The following MEI4 variants were observed in gnomAD, a reference collection of about 807,000 sequenced individuals.
MEI4 encodes meiotic double-stranded break formation protein 4, also known as meiosis-specific protein MEI4.
In MEI4, 27 loss-of-function variants were observed where a neutral mutation model predicts 31.4. That is an observed-to-expected ratio of 0.86 (90% CI 0.63 to 1.19). The LOEUF is 1.19. MEI4 is among the 50% of genes most tolerant of loss of function. The probability of loss-of-function intolerance (pLI) is 0.00; values close to 1 mark genes in which losing one functional copy is unlikely to be tolerated. For synonymous variants in MEI4, 122 were observed against 145.4 expected (o/e 0.84, Z 1.16); for missense variants, 329 against 398.9 (o/e 0.82, Z 1.49).
At chr6:77,888,953 T>C (rs1009162000) in intron 4 of MEI4, among the ~76,000 whole-genome samples, 5 of 152,168 alleles carry the variant, frequency 3.3e-5, no homozygotes, top group African/African-American at 1.2e-4. Context: ...CTTCCAGCTG[T>C]CATGTAAAGA....
At chr6:77,797,366 G>A (rs532204300) in intron 3 of MEI4, among the ~76,000 whole-genome samples, 1 of 152,138 alleles carries the variant, frequency 6.6e-6, no homozygotes, top group Non-Finnish European at 1.5e-5. Flanking sequence ...GTTTTGCACA[G>A]CCAGGGAAAC....
intron 4 of MEI4, among the ~76,000 whole-genome samples, chr6:77,867,863 T>G (rs572821871): frequency 2.0e-5 from 3 of 152,142 alleles, no homozygotes; most frequent in Admixed American, 2.0e-4. Flanking sequence ...GTGACACATA[T>G]GCACCATGGA....
At chr6:77,894,523 C>T (rs1259318479) in intron 4 of MEI4, among the ~76,000 whole-genome samples, 2 of 151,664 alleles carry the variant, frequency 1.3e-5, no homozygotes, top group South Asian at 2.1e-4. Flanking sequence ...CTGATTGTAT[C>T]GAATTAGTGA....
intron 2 of MEI4, among the ~76,000 whole-genome samples, chr6:77,716,627 G>C (rs898912403): frequency 6.6e-6 from 1 of 152,216 alleles, no homozygotes; most frequent in Middle Eastern, 3.4e-3. Context: ...AGTATCAGTC[G>C]GGATGGTGAA....
chr6:77,690,261 A>G (rs1467509469), intron 1 of MEI4, among the ~76,000 whole-genome samples: 1 of 152,010 alleles, frequency 6.6e-6, no homozygotes, highest in Non-Finnish European at 1.5e-5. Context: ...CAGTGGACTC[A>G]TTTTCAAAAT....
At chr6:77,707,131 G>A (rs1766351433) in intron 2 of MEI4, among the ~76,000 whole-genome samples, 1 of 151,990 alleles carries the variant, frequency 6.6e-6, no homozygotes, top group South Asian at 2.1e-4. Flanking sequence ...AGACTAAATG[G>A]TTCTGACCGA....
chr6:77,916,817 G>A (rs1440818055), intron 4 of MEI4, among the ~76,000 whole-genome samples: 1 of 150,002 alleles, frequency 6.7e-6, no homozygotes, highest in Non-Finnish European at 1.5e-5. Context: ...TGTGCACATT[G>A]TGCAGGTTAG....
chr6:77,712,090 C>T (rs1434337808), intron 2 of MEI4, among the ~76,000 whole-genome samples: 1 of 152,162 alleles, frequency 6.6e-6, no homozygotes, highest in Non-Finnish European at 1.5e-5. Context: ...GTACGCTGAA[C>T]ATTTGCAAGA....
rs1206094973 is a variant in MEI4 at position 77,750,185 on chromosome 6, A to G, written c.233-10945A>G. On this transcript the variant is annotated intron_variant, in intron 2 of 4. Coordinates refer to ENST00000684080, the MANE Select transcript of MEI4 (RefSeq NM_001322247.2). The stretch of plus-strand genomic sequence containing the variant: ...AAAAACATACCAAATTGTAAAGACT[A>G]TCAATGCTGTGAAGAAACTGCATCA... Among the ~76,000 whole-genome samples, 3 of 152,332 alleles carry G rather than the reference A, an allele frequency of 2.0e-5. No homozygotes were observed. The South Asian group carries it at 6.2e-4, about 32-fold the overall frequency.
intron 3 of MEI4, among the ~76,000 whole-genome samples, chr6:77,806,784 G>A (rs1430543470): frequency 6.6e-6 from 1 of 152,104 alleles, no homozygotes; most frequent in Non-Finnish European, 1.5e-5. Flanking sequence ...TAAGAGATCA[G>A]GGATTGGCAA....
At chr6:77,759,295 G>A (rs1767991249) in intron 2 of MEI4, among the ~76,000 whole-genome samples, 1 of 151,930 alleles carries the variant, frequency 6.6e-6, no homozygotes, top group Admixed American at 6.6e-5. Context: ...CCTATTCAGG[G>A]TATCTTTTTT....
At chr6:77,919,282 GATT>G (rs1208233326) in intron 4 of MEI4, among the ~76,000 whole-genome samples, 2 of 151,808 alleles carry the variant, frequency 1.3e-5, no homozygotes, top group African/African-American at 4.8e-5. Context: ...AAAGAACAGA[GATT>G]ATAACAAACT....
At chr6:77,654,737 C>T (rs1768362263) in intron 1 of MEI4, among the ~76,000 whole-genome samples, 1 of 151,666 alleles carries the variant, frequency 6.6e-6, no homozygotes, top group Admixed American at 6.6e-5. Flanking sequence ...CAACTTCTCT[C>T]TGCTGTCCTT....
chr6:77,814,490 A>G (rs1769646036), intron 3 of MEI4, among the ~76,000 whole-genome samples: 1 of 152,110 alleles, frequency 6.6e-6, no homozygotes, highest in African/African-American at 2.4e-5. Flanking sequence ...TCACTTTCTC[A>G]AAGTATAATC....
intron 2 of MEI4, among the ~76,000 whole-genome samples, chr6:77,693,441 A>G (rs1195732441): frequency 6.6e-6 from 1 of 152,064 alleles, no homozygotes; most frequent in Non-Finnish European, 1.5e-5. Context: ...TTTTTGTAAC[A>G]TGAATGTGCC....
At chr6:77,721,840 G>A in intron 2 of MEI4, among the ~76,000 whole-genome samples, 1 of 85,394 alleles carries the variant, frequency 1.2e-5, no homozygotes, top group East Asian at 4.3e-4. Context: ...TCCAGCATTG[G>A]CAACCTCTGC....
chr6:77,798,251 A>T (rs978615430), intron 3 of MEI4, among the ~76,000 whole-genome samples: 4 of 151,782 alleles, frequency 2.6e-5, no homozygotes, highest in Non-Finnish European at 4.4e-5. Flanking sequence ...GGAATAAAAA[A>T]TAAATGAGAA....
At chr6:77,705,638 C>G (rs1409349491) in intron 2 of MEI4, among the ~76,000 whole-genome samples, 1 of 152,042 alleles carries the variant, frequency 6.6e-6, no homozygotes, top group Non-Finnish European at 1.5e-5. Context: ...AGAGGGAGGC[C>G]CAATGTGTAT....
At chr6:77,668,401 C>T (rs1032732425) in intron 1 of MEI4, among the ~76,000 whole-genome samples, 2 of 152,094 alleles carry the variant, frequency 1.3e-5, no homozygotes, top group Non-Finnish European at 2.9e-5. Flanking sequence ...TGTTCATGTC[C>T]ATGGAGGCTG....
Sources: allele counts gnomAD v4.1 joint callset (sites outside exome capture counted in the v4.1 genomes callset), GRCh38; gene constraint gnomAD v4.1.1; transcripts MANE v1.5; gene names NCBI Gene and HGNC (gene_info 2026-07-23, HGNC 2026-07-21).